The following ST6GAL2 variants were observed in gnomAD, a reference collection of about 807,000 sequenced individuals.
The protein encoded by ST6GAL2 is ST6 beta-galactoside alpha-2,6-sialyltransferase 2.
A neutral mutation model predicts 37.5 loss-of-function variants in ST6GAL2; 24 were observed. That is an observed-to-expected ratio of 0.64 (90% CI 0.46 to 0.90). ST6GAL2 has a LOEUF of 0.90. Among genes scored for constraint, ST6GAL2 ranks in the 40% least tolerant of loss-of-function variants. The pLI, the probability that ST6GAL2 is intolerant of heterozygous loss-of-function variation, is 0.00. For missense variants in ST6GAL2, 715 were observed against 712.7 expected (o/e 1.00, Z -0.04); for synonymous variants, 306 against 295.1 (o/e 1.04, Z -0.38).
intron 1 of ST6GAL2, among the ~76,000 whole-genome samples, chr2:106,853,175 A>C (rs181840602): frequency 3.9e-5 from 6 of 152,302 alleles, no homozygotes. Context: ...TTAGCAGAAC[A>C]AGTGATCCTC....
intron 2 of ST6GAL2, among the ~76,000 whole-genome samples, chr2:106,836,685 T>C (rs1286855030): frequency 1.4e-5 from 2 of 146,750 alleles, no homozygotes; most frequent in East Asian, 2.0e-4. Context: ...CCCAACACTT[T>C]GGGAGGAACA....
chr2:106,814,380 GT>G (rs1280580327), intron 5 of ST6GAL2, among the ~76,000 whole-genome samples: 1 of 151,448 alleles, frequency 6.6e-6, no homozygotes, highest in African/African-American at 2.4e-5. Flanking sequence ...GTTATGATGT[GT>G]TTTTAAGCCT....
rs1281159700 is a variant in ST6GAL2 at position 106,802,759 on chromosome 2, T to C, written c.*3919A>G. 3 of 152,154 alleles carry C rather than the reference T, an allele frequency of 2.0e-5. No individual in the cohort carries two copies. Among genetic ancestry groups the C allele is most frequent in the Admixed American group, 2.0e-4 (3 of 15,276 alleles). 9.4% of individuals were successfully genotyped at this position (152,154 alleles called of 1,614,324 possible). A position where few individuals can be genotyped will look rare whatever the true frequency, so the allele number is the denominator to read the frequency against. ...TCAAAACAGACAATACAATAGAACA[T>C]ACTTGGAAGCTACCTGGCCAATAGG... is the stretch of plus-strand genomic sequence containing the variant. On this transcript the variant is annotated 3_prime_UTR_variant, in exon 6 of 6. Coordinates refer to ENST00000409382, the MANE Select transcript of ST6GAL2 (RefSeq NM_001142351.2).
intron 5 of ST6GAL2, among the ~76,000 whole-genome samples, chr2:106,822,109 G>T (rs1029519178): frequency 6.6e-6 from 1 of 152,134 alleles, no homozygotes; most frequent in Non-Finnish European, 1.5e-5. Flanking sequence ...TGGCAAGGAT[G>T]CCCACTTTCA....
At position 106,835,867 on chromosome 2, in the gene ST6GAL2, A is replaced by G. The variant is rs1676614240; in HGVS notation, c.944-1721T>C. 2.6e-5 allele frequency among the ~76,000 whole-genome samples: 4 copies of G among 152,256 alleles called. No individual in the cohort carries two copies. In the South Asian group the frequency reaches 8.3e-4, roughly 31 times the overall value. On this transcript the variant is annotated intron_variant, in intron 2 of 5. Coordinates refer to ENST00000409382, the MANE Select transcript of ST6GAL2 (RefSeq NM_001142351.2). ...CAAGTTAAAACCAGTTCTTTACTTC[A>G]CAATTTAAGGATTTGTTCATACTTT...
At chr2:106,812,420 T>G (rs992040415) in intron 5 of ST6GAL2, among the ~76,000 whole-genome samples, 1 of 152,226 alleles carries the variant, frequency 6.6e-6, no homozygotes, top group African/African-American at 2.4e-5. Flanking sequence ...TGTTTCTATT[T>G]GAAACTGGTC....
intron 1 of ST6GAL2, 84 bp downstream of exon 1, chr2:106,886,009 A>C (rs986825166): frequency 1.3e-5 from 2 of 152,124 alleles, no homozygotes; most frequent in Admixed American, 1.3e-4. Flanking sequence ...CTAAACACGG[A>C]GTGTAACTCC....
At chr2:106,883,526 T>C (rs1375896580) in intron 1 of ST6GAL2, among the ~76,000 whole-genome samples, 2 of 152,298 alleles carry the variant, frequency 1.3e-5, no homozygotes, top group Non-Finnish European at 2.9e-5. Flanking sequence ...AAAATTAGTA[T>C]ATAATTATAT....
chr2:106,848,416 G>C (rs1215502593), intron 1 of ST6GAL2, among the ~76,000 whole-genome samples: 2 of 152,220 alleles, frequency 1.3e-5, no homozygotes, highest in African/African-American at 4.8e-5. Flanking sequence ...AACAGCTCTG[G>C]TGGGCAACTA....
At chr2:106,868,625 G>A (rs185162350) in intron 1 of ST6GAL2, among the ~76,000 whole-genome samples, 69 of 152,316 alleles carry the variant, frequency 4.5e-4, no homozygotes, top group African/African-American at 1.6e-3. Context: ...TAGAACTGCC[G>A]TTATCAGAGA....
At chr2:106,816,982 C>T (rs530001298) in intron 5 of ST6GAL2, among the ~76,000 whole-genome samples, 2 of 152,310 alleles carry the variant, frequency 1.3e-5, no homozygotes, top group African/African-American at 2.4e-5. Context: ...AAAGCAACAC[C>T]GGGCAGAACT....
intron 3 of ST6GAL2, among the ~76,000 whole-genome samples, chr2:106,833,218 C>G (rs1330576674): frequency 6.6e-6 from 1 of 151,626 alleles, no homozygotes; most frequent in Non-Finnish European, 1.5e-5. Flanking sequence ...TTACGATGTA[C>G]TTTTTTCCTT....
At chr2:106,830,492 G>A (rs1676378532) in intron 4 of ST6GAL2, among the ~76,000 whole-genome samples, 1 of 152,184 alleles carries the variant, frequency 6.6e-6, no homozygotes, top group Admixed American at 6.5e-5. Context: ...CTAGATCACG[G>A]ATCAGCATAC....
intron 1 of ST6GAL2, among the ~76,000 whole-genome samples, chr2:106,879,010 A>G (rs561045146): frequency 5.1e-4 from 77 of 152,308 alleles, no homozygotes; most frequent in Non-Finnish European, 9.6e-4. Flanking sequence ...TAATTGGGAT[A>G]GATACACACC....
At chr2:106,872,537 T>A (rs1286428379) in intron 1 of ST6GAL2, among the ~76,000 whole-genome samples, 1 of 152,230 alleles carries the variant, frequency 6.6e-6, no homozygotes, top group Non-Finnish European at 1.5e-5. Flanking sequence ...GGTCCCTGTG[T>A]CTAACGTAAA....
chr2:106,824,387 C>T (rs1391665360), intron 5 of ST6GAL2, among the ~76,000 whole-genome samples: 1 of 152,206 alleles, frequency 6.6e-6, no homozygotes, highest in Non-Finnish European at 1.5e-5. Flanking sequence ...AATCCCAGCA[C>T]TTTGGGAGGC....
At chr2:106,821,449 C>A (rs1676000459) in intron 5 of ST6GAL2, among the ~76,000 whole-genome samples, 2 of 151,398 alleles carry the variant, frequency 1.3e-5, no homozygotes, top group South Asian at 4.2e-4. Flanking sequence ...TAGACACATA[C>A]AATCTAGTAA....
At chr2:106,879,112 A>C (rs1678633668) in intron 1 of ST6GAL2, among the ~76,000 whole-genome samples, 1 of 152,052 alleles carries the variant, frequency 6.6e-6, no homozygotes, top group Non-Finnish European at 1.5e-5. Context: ...CTTTCCTTTC[A>C]CCCACTTCTG....
At chr2:106,855,452 A>T (rs1677536599) in intron 1 of ST6GAL2, among the ~76,000 whole-genome samples, 1 of 152,252 alleles carries the variant, frequency 6.6e-6, no homozygotes, top group South Asian at 2.1e-4. Flanking sequence ...CTGCAAAACA[A>T]ACATACAGAA....
Sources: gnomAD v4.1 joint callset for allele counts (sites outside exome capture counted in the v4.1 genomes callset) on GRCh38, gnomAD v4.1.1 for gene constraint, MANE v1.5 for transcripts, NCBI Gene and HGNC (gene_info 2026-07-23, HGNC 2026-07-21) for gene names.